CACNA1A: variants seen among roughly 807,000 people sequenced by gnomAD.
CACNA1A encodes voltage-dependent P/Q-type calcium channel subunit alpha-1A.
A neutral mutation model predicts 262.4 loss-of-function variants in CACNA1A; 57 were observed. The ratio of observed to expected loss-of-function variants is 0.22; its 90% CI spans 0.18 to 0.27. The LOEUF (loss-of-function observed/expected upper bound fraction) is 0.27, where lower values mean the gene tolerates loss of function less well. Among genes scored for constraint, CACNA1A ranks in the 10% least tolerant of loss-of-function variants. The pLI is 1.00. For missense variants in CACNA1A, 2,526 were observed against 3,562.8 expected (o/e 0.71, Z 7.41); for synonymous variants, 1,431 against 1,419.3 (o/e 1.01, Z -0.18).
chr19:13,318,921 C>CTTTTT (rs1197755992), intron 10 of CACNA1A, among the ~76,000 whole-genome samples: 17 of 94,776 alleles, frequency 1.8e-4, no homozygotes, highest in South Asian at 9.1e-4. Context: ...CAGGATCTTG[C>CTTTTT]TTTGTTGCCC....
Position 13,359,708 on chromosome 19 carries a change from T to G in CACNA1A, c.876A>C (p.Glu292Asp), listed in dbSNP as rs16006. 7.6e-5 allele frequency: 119 copies of G among 1,571,564 alleles called. No homozygotes were observed. The highest frequency in any genetic ancestry group is 9.6e-5 in the Non-Finnish European group (110 of 1,149,668). ...ACTGAGTGATCCCGTTGTTGGGCCC[T>G]TCCCAGTAGGGCTGACATTTGGTCC... The part of the protein sequence containing the change: ...PNGTKCQPYW[E>D]GPNNGITQFD... The change falls in exon 6 of 47, where the codon GAA (glutamate) becomes GAC (aspartate). Residue 292 changes from glutamate to aspartate, a missense_variant. Physicochemically the swap from Glu to Asp is conservative, Grantham distance 45. Around this residue, in one of 17 missense-constraint regions of CACNA1A, gnomAD observed 52 missense variants for 124.0 expected, o/e 0.42. Coordinates refer to ENST00000360228, the MANE Select transcript of CACNA1A (RefSeq NM_001127222.2).
rs769457151 is a variant in CACNA1A, at chr19:13,277,198, G to A, written c.3823-70C>T. On this transcript the variant is annotated intron_variant, in intron 22 of 46. Transcript: ENST00000360228. ...CCAGCAGAGCCCCGGTAAAACTAAC[G>A]ATCGCCTACTGGGGAGCAGAGTTTC... 236 of 1,074,796 alleles carry A rather than the reference G, an allele frequency of 2.2e-4. 1 individual carries two copies. The highest frequency in any genetic ancestry group is 5.0e-4 in the Admixed American group (27 of 53,612). The allele number at this position is 1,074,796 out of a possible 1,614,324, so 66.6% of individuals were successfully genotyped here.
chr19:13,460,669 A>G (rs1399733533), intron 1 of CACNA1A, among the ~76,000 whole-genome samples: 1 of 151,090 alleles, frequency 6.6e-6, no homozygotes, highest in Non-Finnish European at 1.5e-5. Flanking sequence ...TCCCTTAGTC[A>G]CTCAGCTACA....
intron 38 of CACNA1A, among the ~76,000 whole-genome samples, chr19:13,222,742 T>A (rs1256211576): frequency 6.6e-6 from 1 of 151,270 alleles, no homozygotes; most frequent in Non-Finnish European, 1.5e-5. Context: ...TCATCCAGGC[T>A]GGAGTTCAGT....
At chr19:13,422,475 G>A (rs928336037) in intron 3 of CACNA1A, among the ~76,000 whole-genome samples, 1 of 152,208 alleles carries the variant, frequency 6.6e-6, no homozygotes, top group African/African-American at 2.4e-5. Context: ...TTTATATTCT[G>A]TGTAGTAAAG....
chr19:13,492,578 A>T (rs1568703196), intron 1 of CACNA1A, among the ~76,000 whole-genome samples: 1 of 152,208 alleles, frequency 6.6e-6, no homozygotes, highest in Non-Finnish European at 1.5e-5. Flanking sequence ...CTTCTCTACC[A>T]GGATGCTCAC....
chr19:13,358,553 G>C (rs185587277), intron 6 of CACNA1A, among the ~76,000 whole-genome samples: 1 of 152,308 alleles, frequency 6.6e-6, no homozygotes, highest in Non-Finnish European at 1.5e-5. Flanking sequence ...TAAGAAAGAG[G>C]GGGGAGGACA....
chr19:13,209,033 GAC>G (rs1156775760), intron 45 of CACNA1A, 24 bp from the exon 46 acceptor site: 56 of 1,536,760 alleles, frequency 3.6e-5, no homozygotes, highest in Non-Finnish European at 4.7e-5. Context: ...GGGTCAGACA[GAC>G]ACACAGGTGG....
At chr19:13,471,510 G>C (rs1391205817) in intron 1 of CACNA1A, among the ~76,000 whole-genome samples, 1 of 152,128 alleles carries the variant, frequency 6.6e-6, no homozygotes, top group Non-Finnish European at 1.5e-5. Context: ...ATTAGACTTT[G>C]AATCCTCCTG....
At chr19:13,384,077 T>C (rs1410484906) in intron 3 of CACNA1A, among the ~76,000 whole-genome samples, 1 of 152,208 alleles carries the variant, frequency 6.6e-6, no homozygotes, top group Non-Finnish European at 1.5e-5. Flanking sequence ...CTTGGTCTCT[T>C]AGTGTTTGGA....
chr19:13,464,908 T>C (rs1222591170), intron 1 of CACNA1A, among the ~76,000 whole-genome samples: 1 of 151,896 alleles, frequency 6.6e-6, no homozygotes, highest in African/African-American at 2.4e-5. Flanking sequence ...CCTTTTCTTT[T>C]GGTTTCTTTT....
Position 13,214,215 on chromosome 19 carries a change from G to C in CACNA1A, c.5940+18C>G, listed in dbSNP as rs1057522421. ...ACTGTCCCCAGCCCAGATGTCCCCA[G>C]AGCGGCGAACAGCGCACCTGCTCCT... On this transcript the variant is annotated intron_variant, in intron 40 of 46. Transcript: ENST00000360228. The surrounding 1 kb of genome is among the most constrained non-coding windows in gnomAD (Gnocchi z 4.1). 8 of 1,591,998 alleles carry C rather than the reference G, an allele frequency of 5.0e-6. No individual in the cohort carries two copies. The highest frequency in any genetic ancestry group is 3.4e-6 in the Non-Finnish European group (4 of 1,170,842).
intron 10 of CACNA1A, among the ~76,000 whole-genome samples, chr19:13,318,745 G>T (rs771521414): frequency 2.6e-5 from 4 of 152,096 alleles, no homozygotes; most frequent in African/African-American, 4.8e-5. Flanking sequence ...GATGAGCCAA[G>T]GTGAATGAAT....
In CACNA1A at chr19:13,235,075, C is replaced by G. The variant is rs770772007; in HGVS notation, c.5134-39G>C. ...GGGTGACGACCAGGGGCTGCCATTC[C>G]TCCAGTGGCTTCTGGGAAACCCAGC... is the stretch of plus-strand genomic sequence containing the variant. On this transcript the variant is annotated intron_variant, in intron 33 of 46. Coordinates refer to ENST00000360228, the MANE Select transcript of CACNA1A (RefSeq NM_001127222.2). 3.2e-6 allele frequency: 5 copies of G among 1,555,678 alleles called. No homozygotes were observed. In the East Asian group the frequency reaches 6.7e-5, roughly 21 times the overall value.
At chr19:13,325,032 T>TTCCTCTTCCCCTTCCCCTTCCTCC (rs2058328078) in intron 10 of CACNA1A, among the ~76,000 whole-genome samples, 2 of 134,768 alleles carry the variant, frequency 1.5e-5, no homozygotes, top group Non-Finnish European at 3.2e-5. Flanking sequence ...CGTCTTCTTC[T>TTCCTCTTCCCCTTCCCCTTCCTCC]TCCTCTTCTT....
chr19:13,468,414 A>G (rs1380220551), intron 1 of CACNA1A, among the ~76,000 whole-genome samples: 21 of 152,144 alleles, frequency 1.4e-4, no homozygotes, highest in Admixed American at 1.3e-3. Context: ...GGCAATAGTG[A>G]CATCCCTGTT....
chr19:13,299,985 T>C (rs1178464942), intron 18 of CACNA1A, among the ~76,000 whole-genome samples: 1 of 152,204 alleles, frequency 6.6e-6, no homozygotes, highest in Non-Finnish European at 1.5e-5. Flanking sequence ...TGTGTTCCTA[T>C]GAGAATCTAA....
chr19:13,460,466 A>G (rs77066617), intron 1 of CACNA1A, among the ~76,000 whole-genome samples: 3,231 of 152,310 alleles, frequency 0.021, 117 homozygotes, highest in African/African-American at 0.072. Context: ...GAAACCGAAG[A>G]TTTTGATGAA....
At chr19:13,258,671 AG>A (rs1415628155) in intron 27 of CACNA1A, 3 of 152,120 alleles carry the variant, frequency 2.0e-5, no homozygotes, top group African/African-American at 7.2e-5. Flanking sequence ...GGGCATGTTC[AG>A]GTTGGCATAT....
Sources: gnomAD v4.1 joint callset for allele counts (sites outside exome capture counted in the v4.1 genomes callset) on GRCh38, gnomAD v4.1.1 for gene constraint, gnomAD v4.1.1 regional missense constraint, Gnocchi (gnomAD v3.1) non-coding constraint, MANE v1.5 for transcripts, NCBI Gene and HGNC (gene_info 2026-07-23, HGNC 2026-07-21) for gene names.